Variants in UGT1A9 observed in about 807,000 individuals in gnomAD.
The protein encoded by UGT1A9 is UDP-glucuronosyltransferase 1A9.
Under a neutral mutation model 45.0 loss-of-function variants are expected in UGT1A9, and 35 were observed. The ratio of observed to expected loss-of-function variants is 0.78; its 90% CI spans 0.59 to 1.03. UGT1A9 has a LOEUF of 1.03. Among genes scored for constraint, UGT1A9 ranks in the 50% least tolerant of loss-of-function variants. UGT1A9 has a pLI of 0.00. For synonymous variants in UGT1A9, 278 were observed against 250.6 expected (o/e 1.11, Z -1.03); for missense variants, 687 against 666.6 (o/e 1.03, Z -0.34).
intron 1 of UGT1A9, among the ~76,000 whole-genome samples, chr2:233,697,775 A>G (rs919949633): frequency 6.6e-6 from 1 of 151,896 alleles, no homozygotes; most frequent in African/African-American, 2.4e-5. Flanking sequence ...TTGTGTTTCC[A>G]TTTTCATTCG....
chr2:233,766,405 C>T (rs545959555), intron 1 of UGT1A9, among the ~76,000 whole-genome samples: 1 of 152,316 alleles, frequency 6.6e-6, no homozygotes, highest in East Asian at 1.9e-4. Flanking sequence ...CGTCCCTCCG[C>T]TGATGTGCTC....
chr2:233,736,156 G>A (rs1226019844), intron 1 of UGT1A9, among the ~76,000 whole-genome samples: 4 of 152,192 alleles, frequency 2.6e-5, no homozygotes, highest in East Asian at 1.9e-4. Context: ...CCAGTCAAAC[G>A]TAGATTTGGT....
At chr2:233,700,675 C>T (rs999893991) in intron 1 of UGT1A9, among the ~76,000 whole-genome samples, 6 of 151,936 alleles carry the variant, frequency 3.9e-5, no homozygotes, top group East Asian at 1.9e-4. Context: ...AGCACAAATT[C>T]GTGATAATAT....
intron 1 of UGT1A9, among the ~76,000 whole-genome samples, chr2:233,717,526 T>C (rs1481309562): frequency 5.3e-5 from 8 of 152,182 alleles, no homozygotes; most frequent in Non-Finnish European, 1.0e-4. Context: ...ACTTCCTCCA[T>C]AAGGGAAGCC....
intron 1 of UGT1A9, chr2:233,718,823 G>A (rs1052666915): frequency 1.2e-6 from 2 of 1,613,376 alleles, no homozygotes; most frequent in African/African-American, 2.7e-5. Context: ...CTGCTGAGAT[G>A]GCCAGAGGAC....
chr2:233,760,508 A>G (rs983416663), intron 1 of UGT1A9: 1 of 1,614,272 alleles, frequency 6.2e-7, no homozygotes, highest in Non-Finnish European at 8.5e-7. Flanking sequence ...GGAGCATTTT[A>G]CACCTTGAAG....
At chr2:233,685,378 C>G (rs1334317900) in intron 1 of UGT1A9, among the ~76,000 whole-genome samples, 1 of 152,104 alleles carries the variant, frequency 6.6e-6, no homozygotes, top group Non-Finnish European at 1.5e-5. Flanking sequence ...TTCCACTTTT[C>G]TTGACTTGTT....
At chr2:233,763,011 T>G (rs1346748254) in intron 1 of UGT1A9, among the ~76,000 whole-genome samples, 2 of 152,248 alleles carry the variant, frequency 1.3e-5, no homozygotes, top group Non-Finnish European at 2.9e-5. Flanking sequence ...TTTCATTATT[T>G]TGCATTATGT....
chr2:233,747,353 C>G, intron 1 of UGT1A9: 1 of 1,602,858 alleles, frequency 6.2e-7, no homozygotes, highest in Non-Finnish European at 8.5e-7. Flanking sequence ...TGCGGGAGGC[C>G]GTGCGGGAGC....
chr2:233,692,922 T>G (rs1238598639), intron 1 of UGT1A9: 1 of 1,573,000 alleles, frequency 6.4e-7, no homozygotes, highest in Non-Finnish European at 8.6e-7. Context: ...AAGCAGTGGT[T>G]AGTTTAGGGA....
chr2:233,698,097 C>A (rs1330265062), intron 1 of UGT1A9, among the ~76,000 whole-genome samples: 3 of 152,172 alleles, frequency 2.0e-5, no homozygotes, highest in African/African-American at 7.2e-5. Context: ...TTTTTGAGCC[C>A]TGTGACCCTG....
At chr2:233,699,179 ACTT>A (rs765566665) in intron 1 of UGT1A9, among the ~76,000 whole-genome samples, 72 of 151,786 alleles carry the variant, frequency 4.7e-4, no homozygotes, top group African/African-American at 1.1e-3. Flanking sequence ...TCTGATCCTC[ACTT>A]CTTCTTCAGA....
rs187295904 is a variant in UGT1A9 at position 233,750,155 on chromosome 2, A to G, written c.856-16879A>G. 9.7e-4 allele frequency among the ~76,000 whole-genome samples: 148 copies of G among 152,026 alleles called. 1 individual carries two copies. Among genetic ancestry groups the G allele is most frequent in the Non-Finnish European group, 1.5e-3 (103 of 68,038 alleles). ...TTGGAACTTCCTAGAGACTTGTTGA[A>G]TGGTTTTGACCAAAATGCTGATAAT... On this transcript the variant is annotated intron_variant, in intron 1 of 4. Coordinates refer to ENST00000354728, the MANE Select transcript of UGT1A9 (RefSeq NM_021027.3).
chr2:233,682,059 T>C, intron 1 of UGT1A9: 1 of 1,614,110 alleles, frequency 6.2e-7, no homozygotes, highest in Non-Finnish European at 8.5e-7. Flanking sequence ...TGGTTCACCA[T>C]GCAGTCGGTG....
chr2:233,736,460 A>G (rs1342574700), intron 1 of UGT1A9, among the ~76,000 whole-genome samples: 1 of 152,154 alleles, frequency 6.6e-6, no homozygotes, highest in Non-Finnish European at 1.5e-5. Context: ...TCGAACATGC[A>G]CTTTTAGCTT....
intron 1 of UGT1A9, among the ~76,000 whole-genome samples, chr2:233,681,402 C>G (rs375338124): frequency 6.6e-6 from 1 of 151,734 alleles, no homozygotes; most frequent in Non-Finnish European, 1.5e-5. Flanking sequence ...GGCATGGCAG[C>G]GTGCGCCTGT....
chr2:233,740,556 T>G (rs1691418967), intron 1 of UGT1A9: 1 of 151,834 alleles, frequency 6.6e-6, no homozygotes, highest in African/African-American at 2.4e-5. Flanking sequence ...AGAAAAAATG[T>G]CCGGCATTTT....
chr2:233,672,736 A>G lies in UGT1A9; in HGVS notation c.802A>G (p.Asn268Asp), dbSNP rs376424202. Residue 268 changes from asparagine to aspartate, a missense_variant, in exon 1 of 5, where the codon AAC (asparagine) becomes GAC (aspartate). Transcript: ENST00000354728. The part of the protein sequence containing the change: ...VLDYPKPVMP[N>D]MIFIGGINCH... Reference sequence around the variant, plus strand: ...GGACTATCCCAAACCCGTGATGCCCAACATGATCTTCATTGGTGGTATCAA... The same window carrying G: ...GGACTATCCCAAACCCGTGATGCCCGACATGATCTTCATTGGTGGTATCAA... The G allele has an allele frequency of 9.1e-5, 147 of 1,613,820 alleles. No individual in the cohort carries two copies. The highest frequency in any genetic ancestry group is 1.6e-4 in the Middle Eastern group (1 of 6,078).
intron 1 of UGT1A9, chr2:233,747,895 C>T: frequency 6.2e-7 from 1 of 1,613,566 alleles, no homozygotes; most frequent in Non-Finnish European, 8.5e-7. Context: ...CATGCTCTTT[C>T]TGCTCCTTAT....
Sources: allele counts gnomAD v4.1 joint callset (sites outside exome capture counted in the v4.1 genomes callset), GRCh38; gene constraint gnomAD v4.1.1; transcripts MANE v1.5; gene names NCBI Gene and HGNC (gene_info 2026-07-23, HGNC 2026-07-21).